INPP4B: variants seen among roughly 807,000 people sequenced by gnomAD.
INPP4B encodes the protein inositol polyphosphate-4-phosphatase type II B.
INPP4B carries 55 observed loss-of-function variants against 122.5 expected under a neutral mutation model. That is an observed-to-expected ratio of 0.45 (90% CI 0.36 to 0.56). The LOEUF is 0.56. Ranked by LOEUF, INPP4B falls within the 20% of genes least tolerant of loss-of-function variation. The pLI, the probability that INPP4B is intolerant of heterozygous loss-of-function variation, is 0.00. For missense variants in INPP4B, 1,000 were observed against 1,097.7 expected (o/e 0.91, Z 1.26); for synonymous variants, 403 against 388.7 (o/e 1.04, Z -0.43).
intron 7 of INPP4B, among the ~76,000 whole-genome samples, chr4:142,315,268 G>A (rs1472678005): frequency 6.6e-6 from 1 of 152,034 alleles, no homozygotes; most frequent in Non-Finnish European, 1.5e-5. Flanking sequence ...AATGTTCTCT[G>A]AATGAGCGCC....
At chr4:142,832,581 C>T (rs943128826) in intron 1 of INPP4B, among the ~76,000 whole-genome samples, 2 of 152,228 alleles carry the variant, frequency 1.3e-5, no homozygotes, top group South Asian at 2.1e-4. Flanking sequence ...CCCCGGCCAA[C>T]GCAGTGGTAA....
Position 142,693,894 on chromosome 4 carries a change from G to C in INPP4B, c.-191+31945C>G, listed in dbSNP as rs540224666. Reference sequence around the variant, plus strand: ...GTCTAAAGTAGGAAGAAAAAGCCTTGAAAACTGGCAAATTAAAAATATCAC... The same window carrying C: ...GTCTAAAGTAGGAAGAAAAAGCCTTCAAAACTGGCAAATTAAAAATATCAC... On this transcript the variant is annotated intron_variant, in intron 2 of 25. Coordinates refer to ENST00000262992, the MANE Select transcript of INPP4B (RefSeq NM_001101669.3). 2.0e-5 allele frequency among the ~76,000 whole-genome samples: 3 copies of C among 151,990 alleles called. No individual in the cohort carries two copies. In the East Asian group the frequency reaches 5.8e-4, roughly 30 times the overall value.
intron 2 of INPP4B, among the ~76,000 whole-genome samples, chr4:142,535,271 C>G (rs1351929363): frequency 6.6e-6 from 1 of 152,158 alleles, no homozygotes; most frequent in East Asian, 1.9e-4. Context: ...AGTTTATCCT[C>G]CTACACAGAG....
At chr4:142,471,606 G>A (rs376545533) in intron 2 of INPP4B, among the ~76,000 whole-genome samples, 4 of 152,150 alleles carry the variant, frequency 2.6e-5, no homozygotes, top group Non-Finnish European at 2.9e-5. Flanking sequence ...GAGAAATGAC[G>A]CCTTTGCCAG....
At chr4:142,500,611 G>A (rs960317905) in intron 2 of INPP4B, among the ~76,000 whole-genome samples, 7 of 152,120 alleles carry the variant, frequency 4.6e-5, no homozygotes, top group African/African-American at 1.4e-4. Context: ...GTTCACCCAC[G>A]GAGGGCATTT....
At chr4:142,498,944 A>G (rs1580218014) in intron 2 of INPP4B, among the ~76,000 whole-genome samples, 1 of 152,212 alleles carries the variant, frequency 6.6e-6, no homozygotes, top group African/African-American at 2.4e-5. Context: ...AGACACAATT[A>G]TGAGTTAGTA....
intron 2 of INPP4B, among the ~76,000 whole-genome samples, chr4:142,635,543 C>A (rs374922667): frequency 6.6e-6 from 1 of 152,036 alleles, no homozygotes; most frequent in Admixed American, 6.6e-5. Context: ...AGAACAAGAT[C>A]GTGTCTTTTG....
At chr4:142,253,028 A>G (rs1733222996) in intron 11 of INPP4B, among the ~76,000 whole-genome samples, 1 of 152,216 alleles carries the variant, frequency 6.6e-6, no homozygotes, top group Non-Finnish European at 1.5e-5. Context: ...CAATCTGTAT[A>G]GTATGTTACT....
In INPP4B at chr4:142,820,289, G is replaced by A. The variant is rs561546571; in HGVS notation, c.-254+25920C>T. The stretch of plus-strand genomic sequence containing the variant: ...GAGTAGATGCCCTCTCTGGGGAAGG[G>A]AGAGTGAATGAGCTCTTGCTCTATT... On this transcript the variant is annotated intron_variant, in intron 1 of 25. Transcript: ENST00000262992. 2.3e-4 allele frequency among the ~76,000 whole-genome samples: 35 copies of A among 152,236 alleles called. 1 individual carries two copies. The highest frequency in any genetic ancestry group is 8.3e-4 in the South Asian group (4 of 4,826).
intron 12 of INPP4B, among the ~76,000 whole-genome samples, chr4:142,212,839 C>A (rs1845486440): frequency 6.6e-6 from 1 of 152,166 alleles, no homozygotes; most frequent in African/African-American, 2.4e-5. Flanking sequence ...AGTCCCAGAA[C>A]TGTTGAGTCC....
intron 12 of INPP4B, among the ~76,000 whole-genome samples, chr4:142,224,028 T>A (rs981921374): frequency 6.6e-6 from 1 of 152,186 alleles, no homozygotes; most frequent in African/African-American, 2.4e-5. Context: ...ATTTTCACTG[T>A]GCATTTGTTT....
intron 1 of INPP4B, among the ~76,000 whole-genome samples, chr4:142,821,175 GTTCAC>G (rs1230228450): frequency 2.0e-5 from 3 of 151,926 alleles, no homozygotes; most frequent in Admixed American, 1.3e-4. Flanking sequence ...TTTATTTTTA[GTTCAC>G]ATTTTTAGTA....
At chr4:142,431,615 G>C (rs531079860) in intron 3 of INPP4B, among the ~76,000 whole-genome samples, 1 of 152,060 alleles carries the variant, frequency 6.6e-6, no homozygotes, top group African/African-American at 2.4e-5. Context: ...AAACATGAAA[G>C]GTGTATTATT....
At chr4:142,312,817 T>C (rs1437940706) in intron 8 of INPP4B, among the ~76,000 whole-genome samples, 1 of 152,154 alleles carries the variant, frequency 6.6e-6, no homozygotes, top group African/African-American at 2.4e-5. Flanking sequence ...CAGAAATATC[T>C]ATACCTGTGC....
chr4:142,748,202 GA>G (rs1268677849), intron 1 of INPP4B, among the ~76,000 whole-genome samples: 1 of 151,968 alleles, frequency 6.6e-6, no homozygotes, highest in Non-Finnish European at 1.5e-5. Context: ...GAAAATGTTT[GA>G]AAATTAATGT....
At chr4:142,461,476 A>G (rs1816721032) in intron 3 of INPP4B, among the ~76,000 whole-genome samples, 1 of 152,186 alleles carries the variant, frequency 6.6e-6, no homozygotes, top group Admixed American at 6.5e-5. Context: ...ACCTGAGGCT[A>G]TATTTCCACA....
At chr4:142,042,242 T>C (rs949068662) in intron 25 of INPP4B, among the ~76,000 whole-genome samples, 1 of 152,168 alleles carries the variant, frequency 6.6e-6, no homozygotes, top group Non-Finnish European at 1.5e-5. Flanking sequence ...ACAATGCTAG[T>C]GGCATAGTAA....
intron 25 of INPP4B, among the ~76,000 whole-genome samples, chr4:142,080,983 T>C (rs935075152): frequency 6.6e-6 from 1 of 152,080 alleles, no homozygotes; most frequent in Non-Finnish European, 1.5e-5. Context: ...CTCTAAGACA[T>C]CCTCACACAT....
At chr4:142,640,359 G>C (rs1158698767) in intron 2 of INPP4B, among the ~76,000 whole-genome samples, 2 of 152,050 alleles carry the variant, frequency 1.3e-5, no homozygotes, top group Non-Finnish European at 2.9e-5. Context: ...AAATGAATAG[G>C]TAAGTGGAAT....
Sources: allele counts gnomAD v4.1 joint callset (sites outside exome capture counted in the v4.1 genomes callset), GRCh38; gene constraint gnomAD v4.1.1; transcripts MANE v1.5; gene names NCBI Gene and HGNC (gene_info 2026-07-23, HGNC 2026-07-21).